The following NFIA variants were observed in gnomAD, a reference collection of about 807,000 sequenced individuals.
NFIA encodes the protein nuclear factor I A.
In NFIA, 8 loss-of-function variants were observed where a neutral mutation model predicts 62.8. That is an observed-to-expected ratio of 0.13 (90% CI 0.07 to 0.23). The LOEUF is 0.23. NFIA is among the 10% of genes least tolerant of loss of function. The probability of loss-of-function intolerance (pLI) is 1.00; values close to 1 mark genes in which losing one functional copy is unlikely to be tolerated. For missense variants in NFIA, 410 were observed against 642.1 expected (o/e 0.64, Z 3.91); for synonymous variants, 235 against 238.1 (o/e 0.99, Z 0.12).
At chr1:61,441,499 T>G (rs113519098) in intron 10 of NFIA, among the ~76,000 whole-genome samples, 2,861 of 152,316 alleles carry the variant, frequency 0.019, 38 homozygotes, top group Non-Finnish European at 0.031. Context: ...TGAGGCAGGT[T>G]GTAGGGAGGA....
At chr1:61,428,468 C>T (rs1666965662) in intron 10 of NFIA, among the ~76,000 whole-genome samples, 1 of 150,458 alleles carries the variant, frequency 6.6e-6, no homozygotes, top group Non-Finnish European at 1.5e-5. Flanking sequence ...GTGACACCTG[C>T]CACATTTGGC....
intron 3 of NFIA, among the ~76,000 whole-genome samples, chr1:61,303,227 C>G (rs1659582581): frequency 6.6e-6 from 1 of 152,174 alleles, no homozygotes; most frequent in African/African-American, 2.4e-5. Flanking sequence ...TTCCTTCTCT[C>G]AACATTCAGG....
intron 2 of NFIA, among the ~76,000 whole-genome samples, chr1:61,251,877 T>A (rs1170739549): frequency 6.6e-6 from 1 of 152,184 alleles, no homozygotes; most frequent in Non-Finnish European, 1.5e-5. Flanking sequence ...GCTGACTATT[T>A]TTCGTGTTCT....
chr1:61,355,541 C>A (rs1212549128), intron 5 of NFIA, among the ~76,000 whole-genome samples: 1 of 152,092 alleles, frequency 6.6e-6, no homozygotes, highest in African/African-American at 2.4e-5. Context: ...TAACTTGCTT[C>A]ATTCCTGATC....
rs78588093 is a variant in NFIA at position 61,184,792 on chromosome 1, G to A, written c.560-92728G>A. On this transcript the variant is annotated intron_variant, in intron 2 of 10. Coordinates refer to ENST00000403491, the MANE Select transcript of NFIA (RefSeq NM_001134673.4). ...CTTTGGGGAGCTTTCTTAGAGAAAC[G>A]AGAGGAAAATGGTAAAATGCAACCT... Among the ~76,000 whole-genome samples the A allele has an allele frequency of 0.014, 2,019 of 146,646 alleles. 145 individuals are homozygous for A. In the East Asian group the frequency reaches 0.21, roughly 15 times the overall value.
At chr1:61,223,949 C>T (rs556155857) in intron 2 of NFIA, among the ~76,000 whole-genome samples, 22 of 152,168 alleles carry the variant, frequency 1.4e-4, no homozygotes, top group Non-Finnish European at 2.6e-4. Flanking sequence ...ACTGACCTCT[C>T]TATTTACATA....
chr1:61,262,417 TA>T (rs1656821580), intron 2 of NFIA, among the ~76,000 whole-genome samples: 1 of 152,216 alleles, frequency 6.6e-6, no homozygotes, highest in South Asian at 2.1e-4. Context: ...AAAGTCCTTA[TA>T]AATATGTTTG....
Position 61,105,079 on chromosome 1 carries a change from G to A in NFIA, c.559+16399G>A, listed in dbSNP as rs141550818. ...TTCCCGCTGCGCTTCCAAGGATAGG[G>A]TCATCCTATTATAACTGTTTAATAA... On this transcript the variant is annotated intron_variant, in intron 2 of 10. Coordinates refer to ENST00000403491, the MANE Select transcript of NFIA (RefSeq NM_001134673.4). Among the ~76,000 whole-genome samples, 1,260 of 152,042 alleles carry A rather than the reference G, an allele frequency of 8.3e-3. 10 individuals carry two copies. The highest frequency in any genetic ancestry group is 0.034 in the Middle Eastern group (10 of 294).
At chr1:61,084,188 T>G (rs1462885609) in intron 1 of NFIA, among the ~76,000 whole-genome samples, 2 of 152,204 alleles carry the variant, frequency 1.3e-5, no homozygotes, top group East Asian at 3.9e-4. Context: ...GAGATAACGG[T>G]TTAACCGGAA....
At chr1:61,217,720 C>T (rs1438677221) in intron 2 of NFIA, among the ~76,000 whole-genome samples, 2 of 152,160 alleles carry the variant, frequency 1.3e-5, no homozygotes, top group African/African-American at 4.8e-5. Context: ...AGGGGAAAGG[C>T]TCACAGTCTT....
rs1250187870 is a variant in NFIA at position 61,181,137 on chromosome 1, A to G, written c.559+92457A>G. Among the ~76,000 whole-genome samples the G allele has an allele frequency of 3.3e-5, 5 of 152,214 alleles. No individual in the cohort carries two copies. The East Asian group carries it at 5.8e-4, about 18-fold the overall frequency. On this transcript the variant is annotated intron_variant, in intron 2 of 10. Transcript: ENST00000403491. ...CCCAGATATGCTTACTTGCTGTACA[A>G]TGGATAATTGTTAGCTCTTGTTGTG...
chr1:61,435,473 A>G (rs765655831), intron 10 of NFIA, among the ~76,000 whole-genome samples: 8 of 152,158 alleles, frequency 5.3e-5, no homozygotes, highest in Non-Finnish European at 8.8e-5. Flanking sequence ...TGTCTTCCTC[A>G]GTATGCTGCC....
At chr1:61,089,077 G>A (rs1646271118) in intron 2 of NFIA, among the ~76,000 whole-genome samples, 1 of 152,164 alleles carries the variant, frequency 6.6e-6, no homozygotes, top group Non-Finnish European at 1.5e-5. Context: ...GTTTTCTGCT[G>A]GGAGTGTTTT....
intron 2 of NFIA, among the ~76,000 whole-genome samples, chr1:61,174,863 G>C (rs1650217344): frequency 6.6e-6 from 1 of 152,124 alleles, no homozygotes; most frequent in Admixed American, 6.5e-5. Flanking sequence ...TGAAAAGCTA[G>C]CATTTTTGGA....
intron 10 of NFIA, among the ~76,000 whole-genome samples, chr1:61,427,738 G>C (rs1666933721): frequency 1.3e-5 from 2 of 152,182 alleles, no homozygotes; most frequent in Non-Finnish European, 2.9e-5. Flanking sequence ...GGGAGGACAG[G>C]GGGAGCTAAA....
chr1:61,392,450 T>C (rs1665027210), intron 7 of NFIA, among the ~76,000 whole-genome samples: 1 of 152,156 alleles, frequency 6.6e-6, no homozygotes, highest in African/African-American at 2.4e-5. Flanking sequence ...GAGAAGGCTG[T>C]TTAGCTAATT....
At chr1:61,347,452 C>A (rs776512014) in intron 4 of NFIA, among the ~76,000 whole-genome samples, 4 of 152,116 alleles carry the variant, frequency 2.6e-5, no homozygotes, top group Non-Finnish European at 5.9e-5. Context: ...GGATTACAGT[C>A]GTGAGCCACC....
intron 7 of NFIA, among the ~76,000 whole-genome samples, chr1:61,398,400 C>G (rs1189898009): frequency 1.3e-5 from 2 of 152,086 alleles, no homozygotes; most frequent in Non-Finnish European, 2.9e-5. Context: ...CTTTTTCTTT[C>G]TGTTTTTCCA....
rs1668356738 is a variant in NFIA, at chr1:61,457,410, TAGAA to T, written c.*2093_*2096del. The T allele has an allele frequency of 6.6e-6, 1 of 152,192 alleles. No individual in the cohort carries two copies. Among genetic ancestry groups the T allele is most frequent in the African/African-American group, 2.4e-5 (1 of 41,446 alleles). The allele number at this position is 152,192 out of a possible 1,614,324, so 9.4% of individuals were successfully genotyped here. A position where few individuals can be genotyped will look rare whatever the true frequency, so the allele number is the denominator to read the frequency against. On this transcript the variant is annotated 3_prime_UTR_variant, in exon 11 of 11. Coordinates refer to ENST00000403491, the MANE Select transcript of NFIA (RefSeq NM_001134673.4). The surrounding 1 kb of genome is among the most constrained non-coding windows in gnomAD (Gnocchi z 4.2). ...GTCAGTTTCAACATCTAGAACTAAA[TAGAA>T]AGCTAGTTGTTCCGCAGATAGGAGT...
Sources: allele counts gnomAD v4.1 joint callset (sites outside exome capture counted in the v4.1 genomes callset), GRCh38; gene constraint gnomAD v4.1.1; non-coding constraint Gnocchi (gnomAD v3.1); transcripts MANE v1.5; gene names NCBI Gene and HGNC (gene_info 2026-07-23, HGNC 2026-07-21).